FYB1: variants seen among roughly 807,000 people sequenced by gnomAD.
The protein encoded by FYB1 is FYN-binding protein 1.
FYB1 carries 41 observed loss-of-function variants against 94.1 expected under a neutral mutation model. The ratio of observed to expected loss-of-function variants is 0.44; its 90% CI spans 0.34 to 0.57. FYB1 has a LOEUF of 0.57. Among genes scored for constraint, FYB1 ranks in the 20% least tolerant of loss-of-function variants. The probability of loss-of-function intolerance (pLI) is 0.02; values close to 1 mark genes in which losing one functional copy is unlikely to be tolerated. For missense variants in FYB1, 1,050 were observed against 976.8 expected (o/e 1.07, Z -1.00); for synonymous variants, 367 against 353.2 (o/e 1.04, Z -0.44).
At chr5:39,130,704 G>A in intron 9 of FYB1, 92 bp from the exon 10 acceptor site, 2 of 1,012,030 alleles carry the variant, frequency 2.0e-6, no homozygotes, top group South Asian at 2.9e-5. Context: ...ATTCAAAAGA[G>A]AAATAACATT....
In FYB1 at chr5:39,196,280, C is replaced by A. The variant is rs534544912; in HGVS notation, c.1135+5546G>T. Among the ~76,000 whole-genome samples the A allele has an allele frequency of 6.8e-5, 10 of 147,408 alleles. No individual in the cohort carries two copies. The South Asian group carries it at 2.1e-3, about 31-fold the overall frequency. On this transcript the variant is annotated intron_variant, in intron 2 of 18. Coordinates refer to ENST00000512982, the MANE Select transcript of FYB1 (RefSeq NM_001465.6). ...CTGGAGTGCAGTGGTGCAATCTCGG[C>A]TCACTGCAACCTCCACCTCCTGGGT...
At chr5:39,193,375 C>A (rs1333685802) in intron 2 of FYB1, among the ~76,000 whole-genome samples, 1 of 152,088 alleles carries the variant, frequency 6.6e-6, no homozygotes, top group East Asian at 1.9e-4. Context: ...CTCCAATTCC[C>A]AAGTTAAAAA....
intron 2 of FYB1, among the ~76,000 whole-genome samples, chr5:39,184,030 T>C (rs1051652046): frequency 2.6e-5 from 4 of 152,238 alleles, no homozygotes; most frequent in Admixed American, 6.5e-5. Flanking sequence ...AAAATTTATA[T>C]GATCTACTGG....
intron 16 of FYB1, among the ~76,000 whole-genome samples, chr5:39,112,350 T>A (rs1390662123): frequency 6.6e-6 from 1 of 152,028 alleles, no homozygotes; most frequent in Non-Finnish European, 1.5e-5. Flanking sequence ...CTCATGTTGA[T>A]GTTAATAATT....
chr5:39,153,299 G>GGCCAGCTCA (rs1743418829), intron 3 of FYB1, 149 bp downstream of exon 3: 1 of 914,444 alleles, frequency 1.1e-6, no homozygotes, highest in Non-Finnish European at 1.7e-6. Flanking sequence ...TGGCCAGCTC[G>GGCCAGCTCA]GCCAGCTCAG....
intron 1 of FYB1, among the ~76,000 whole-genome samples, chr5:39,228,634 T>G (rs1458883130): frequency 6.6e-6 from 1 of 152,222 alleles, no homozygotes; most frequent in Non-Finnish European, 1.5e-5. Flanking sequence ...GATTTTAATT[T>G]CAAATCACCA....
At chr5:39,221,162 T>G (rs1238085781), upstream of FYB1, among the ~76,000 whole-genome samples, 2 of 152,202 alleles carry the variant, frequency 1.3e-5, no homozygotes, top group Admixed American at 6.5e-5. Flanking sequence ...AAGGGATCTA[T>G]GTAGCTTCTT....
At chr5:39,246,158 G>A (rs530889563) in intron 1 of FYB1, among the ~76,000 whole-genome samples, 4 of 152,192 alleles carry the variant, frequency 2.6e-5, no homozygotes, top group African/African-American at 9.6e-5. Flanking sequence ...GCATGAGGAT[G>A]AAAAGTGAGA....
In FYB1 at chr5:39,134,190, A is replaced by G. The variant is rs1741450378; in HGVS notation, c.1817+18T>C. ...AGGAGACAGTTTGATCTGTTCTACA[A>G]TACGTACTTGCACATACCTGCTAAT... is the stretch of plus-strand genomic sequence containing the variant. On this transcript the variant is annotated intron_variant, in intron 9 of 18. Coordinates refer to ENST00000512982, the MANE Select transcript of FYB1 (RefSeq NM_001465.6). 1 of 1,593,806 alleles carries G rather than the reference A, an allele frequency of 6.3e-7. No individual in the cohort carries two copies. The highest frequency in any genetic ancestry group is 8.6e-7 in the Non-Finnish European group (1 of 1,164,858).
chr5:39,269,258 C>T (rs1752567389), intron 1 of FYB1, among the ~76,000 whole-genome samples: 1 of 151,618 alleles, frequency 6.6e-6, no homozygotes, highest in Admixed American at 6.6e-5. Flanking sequence ...ACCGTGTTAG[C>T]CAGGATGGTC....
In FYB1 at chr5:39,120,360, G is replaced by A. The variant is rs142723607; in HGVS notation, c.2139-726C>T. Among the ~76,000 whole-genome samples the A allele has an allele frequency of 1.4e-3, 206 of 151,966 alleles. 1 individual carries two copies. The Middle Eastern group carries it at 0.031, about 23-fold the overall frequency. ...GACTTACTTTTTTTAAAACTGCTAG[G>A]ATCCAGGTATAGAAATCCACTATAT... On this transcript the variant is annotated intron_variant, in intron 14 of 18. Transcript: ENST00000512982.
intron 3 of FYB1, among the ~76,000 whole-genome samples, chr5:39,150,253 G>A (rs188103034): frequency 4.6e-5 from 7 of 152,204 alleles, no homozygotes; most frequent in East Asian, 1.9e-4. Context: ...GCCAGTTTTC[G>A]CTTTCTGTCA....
chr5:39,141,193 T>G, intron 3 of FYB1, 52 bp from the exon 4 acceptor site: 1 of 1,169,214 alleles, frequency 8.6e-7, no homozygotes, highest in Non-Finnish European at 1.2e-6. Flanking sequence ...GATGCTCACC[T>G]TACAATGAAA....
chr5:39,201,948 T>A lies in FYB1; in HGVS notation c.1013A>T (p.Asn338Ile). The A allele has an allele frequency of 1.9e-6, 3 of 1,614,012 alleles. No individual in the cohort carries two copies. The Admixed American group carries it at 5.0e-5, about 27-fold the overall frequency. ...QSQEKEKGDK[N>I]SATPKQKPLP... Reference sequence around the variant, plus strand: ...TGGCTTCTGTTTCGGGGTGGCTGAATTCTTGTCTCCCTTTTCCTTTTCCTG... The same window carrying A: ...TGGCTTCTGTTTCGGGGTGGCTGAAATCTTGTCTCCCTTTTCCTTTTCCTG... The change falls in exon 2 of 19, where the codon AAT becomes ATT. Residue 338 changes from asparagine (N) to isoleucine (I), a missense_variant. By Grantham distance (149) the Asn-to-Ile change is moderately radical. Coordinates refer to ENST00000512982, the MANE Select transcript of FYB1 (RefSeq NM_001465.6).
At chr5:39,271,611 T>C (rs1050872627) in intron 1 of FYB1, among the ~76,000 whole-genome samples, 1 of 152,152 alleles carries the variant, frequency 6.6e-6, no homozygotes, top group African/African-American at 2.4e-5. Context: ...CCATACAAAA[T>C]CCTTTTTCAA....
At chr5:39,240,659 GTC>G (rs1751164758) in intron 1 of FYB1, among the ~76,000 whole-genome samples, 1 of 152,156 alleles carries the variant, frequency 6.6e-6, no homozygotes, top group Non-Finnish European at 1.5e-5. Context: ...TTATTAAAAA[GTC>G]AAAAAATAAC....
intron 2 of FYB1, among the ~76,000 whole-genome samples, chr5:39,170,621 A>T (rs913482726): frequency 2.0e-5 from 3 of 152,110 alleles, no homozygotes; most frequent in Non-Finnish European, 2.9e-5. Flanking sequence ...TAGCCTCCTC[A>T]CCAGTTTTTT....
At chr5:39,183,560 T>G (rs1461552556) in intron 2 of FYB1, among the ~76,000 whole-genome samples, 1 of 152,150 alleles carries the variant, frequency 6.6e-6, no homozygotes, top group Non-Finnish European at 1.5e-5. Flanking sequence ...TACAGTGAGA[T>G]GTTCTAGAAT....
chr5:39,209,329 G>GC (rs1749146155), intron 1 of FYB1, among the ~76,000 whole-genome samples: 1 of 135,672 alleles, frequency 7.4e-6, no homozygotes. Flanking sequence ...GTTTAAATAT[G>GC]TTTTTTTTTT....
Sources: allele counts gnomAD v4.1 joint callset (sites outside exome capture counted in the v4.1 genomes callset), GRCh38; gene constraint gnomAD v4.1.1; transcripts MANE v1.5; gene names NCBI Gene and HGNC (gene_info 2026-07-23, HGNC 2026-07-21).